The following ANXA13 variants were observed in gnomAD, a reference collection of about 807,000 sequenced individuals.
ANXA13 encodes annexin A13, also known as annexin XIII.
A neutral mutation model predicts 46.6 loss-of-function variants in ANXA13; 36 were observed. The ratio of observed to expected loss-of-function variants is 0.77; its 90% CI spans 0.59 to 1.02. The LOEUF (loss-of-function observed/expected upper bound fraction) is 1.02. Ranked by LOEUF, ANXA13 falls within the 50% of genes least tolerant of loss-of-function variation. The probability of loss-of-function intolerance (pLI) is 0.00; values close to 1 mark genes in which losing one functional copy is unlikely to be tolerated. For synonymous variants in ANXA13, 163 were observed against 152.9 expected (o/e 1.07, Z -0.49); for missense variants, 417 against 396.5 (o/e 1.05, Z -0.44).
chr8:123,696,173 G>A (rs10100396), intron 4 of ANXA13, among the ~76,000 whole-genome samples: 9,668 of 152,028 alleles, frequency 0.064, 320 homozygotes, highest in Non-Finnish European at 0.069. Context: ...CATGTGTTTA[G>A]CAGGTGGAAT....
intron 1 of ANXA13, among the ~76,000 whole-genome samples, chr8:123,726,766 C>A (rs1036792166): frequency 6.6e-6 from 1 of 152,186 alleles, no homozygotes; most frequent in Non-Finnish European, 1.5e-5. Context: ...ATATTAATAG[C>A]AGCACAATTT....
chr8:123,707,846 A>G (rs951274806), intron 2 of ANXA13, among the ~76,000 whole-genome samples: 1 of 152,116 alleles, frequency 6.6e-6, no homozygotes, highest in African/African-American at 2.4e-5. Flanking sequence ...AAGTATAATA[A>G]TAATAATAAA....
intron 2 of ANXA13, among the ~76,000 whole-genome samples, chr8:123,704,646 C>G (rs987529938): frequency 2.6e-5 from 4 of 152,178 alleles, no homozygotes; most frequent in Admixed American, 6.5e-5. Flanking sequence ...ATCCACCTGC[C>G]TCAGCCTCTT....
At chr8:123,688,539 T>A (rs1813179000) in intron 9 of ANXA13, among the ~76,000 whole-genome samples, 1 of 152,218 alleles carries the variant, frequency 6.6e-6, no homozygotes, top group Admixed American at 6.5e-5. Flanking sequence ...GCTGAGTCCC[T>A]CCCCAGGAAT....
intron 10 of ANXA13, among the ~76,000 whole-genome samples, chr8:123,683,508 C>T (rs7459561): frequency 0.8 from 116,427 of 145,014 alleles, 47,594 homozygotes; most frequent in African/African-American, 0.93. Flanking sequence ...CTCCTGCTGC[C>T]GATGAAATGC....
rs544229654 is a variant in ANXA13 at position 123,686,988 on chromosome 8, T to A, written c.718+1883A>T. ...TGTGTGGTCCTCAACCCCAGGGACT[T>A]GGCTTTTCTGTCATCTGTACCATCT... On this transcript the variant is annotated intron_variant, in intron 9 of 10. Coordinates refer to ENST00000419625, the MANE Select transcript of ANXA13 (RefSeq NM_004306.4). Among the ~76,000 whole-genome samples the A allele has an allele frequency of 5.3e-5, 8 of 152,324 alleles. No homozygotes were observed. In the South Asian group the frequency reaches 1.7e-3, roughly 32 times the overall value.
chr8:123,708,149 C>T (rs1375583303), intron 2 of ANXA13, among the ~76,000 whole-genome samples: 1 of 152,168 alleles, frequency 6.6e-6, no homozygotes, highest in Admixed American at 6.5e-5. Context: ...TGGTTTGAGG[C>T]ACCAGGGCCA....
At position 123,681,017 on chromosome 8, in the gene ANXA13, C is replaced by G. The variant is rs1305457195; in HGVS notation, c.*223G>C. 1.9e-6 allele frequency: 1 copy of G among 518,056 alleles called. No individual in the cohort carries two copies. The highest frequency in any genetic ancestry group is 3.4e-6 in the Non-Finnish European group (1 of 294,922). 32.1% of individuals were successfully genotyped at this position (518,056 alleles called of 1,614,324 possible). A position where few individuals can be genotyped will look rare whatever the true frequency, so the allele number is the denominator to read the frequency against. ...ATGCTAAAAGAAAGTGAAGAGGCAG[C>G]CTAGATGCTTGCTAAGCCAGAGTTC... On this transcript the variant is annotated 3_prime_UTR_variant, in exon 11 of 11. Transcript: ENST00000419625.
intron 1 of ANXA13, among the ~76,000 whole-genome samples, chr8:123,716,295 G>A (rs1002578112): frequency 2.0e-5 from 3 of 152,070 alleles, no homozygotes; most frequent in African/African-American, 7.2e-5. Flanking sequence ...CCGTTGCCCA[G>A]GCTGGTCTCA....
At position 123,688,930 on chromosome 8, in the gene ANXA13, A is replaced by G. The variant is rs762657529; in HGVS notation, c.659T>C (p.Ile220Thr). 2.5e-6 allele frequency: 4 copies of G among 1,613,782 alleles called. No individual in the cohort carries two copies. Among genetic ancestry groups the G allele is most frequent in the Non-Finnish European group, 3.4e-6 (4 of 1,179,810 alleles). Residue 220 changes from isoleucine (I) to threonine (T), a missense_variant, in exon 9 of 11, where the codon ATA becomes ACA. By Grantham distance (89) the Ile-to-Thr change is moderately conservative. Coordinates refer to ENST00000419625, the MANE Select transcript of ANXA13 (RefSeq NM_004306.4). ...QAYQILIGKD[I>T]EEAIEEETSG... is the part of the protein sequence containing the mutation. ...TGTTTCTTCTTCAATGGCTTCTTCT[A>G]TGTCTTTGCCAATGAGCTGCAGCGA...
chr8:123,722,665 A>C (rs1191198992), intron 1 of ANXA13, among the ~76,000 whole-genome samples: 2 of 152,226 alleles, frequency 1.3e-5, no homozygotes, highest in African/African-American at 4.8e-5. Context: ...TTCTGATGCT[A>C]ATAGAATCAT....
In ANXA13 at chr8:123,696,105, A is replaced by AT. The variant is rs1351918545; in HGVS notation, c.358-385dup. On this transcript the variant is annotated intron_variant, in intron 4 of 10. Transcript: ENST00000419625. ...CAGTGCGTATCAGAAAGATACACAG[A>AT]TTTTTTTTTTTGCGTTTGTATATAT... 4.3e-3 allele frequency among the ~76,000 whole-genome samples: 635 copies of AT among 148,076 alleles called. 4 individuals are homozygous for AT. The highest frequency in any genetic ancestry group is 0.013 in the African/African-American group (528 of 40,578).
intron 1 of ANXA13, among the ~76,000 whole-genome samples, chr8:123,719,296 C>A (rs1176281625): frequency 6.6e-6 from 1 of 152,176 alleles, no homozygotes; most frequent in African/African-American, 2.4e-5. Flanking sequence ...AAATTAGACT[C>A]TGAATTATTT....
intron 2 of ANXA13, among the ~76,000 whole-genome samples, chr8:123,705,505 G>A (rs1389151258): frequency 6.6e-6 from 1 of 152,178 alleles, no homozygotes; most frequent in Non-Finnish European, 1.5e-5. Flanking sequence ...TGCTTCCTCT[G>A]TTTTGGCACA....
In ANXA13 at chr8:123,690,446, A is replaced by G. The variant is rs1267397320; in HGVS notation, c.643-1500T>C. On this transcript the variant is annotated intron_variant, in intron 8 of 10. Transcript: ENST00000419625. The surrounding 1 kb of genome is among the most constrained non-coding windows in gnomAD (Gnocchi z 4.6). ...GGTTTTTTCCTTGCACAACTCCAGGAGGCGCTATTCACACACTGCAACAAG... is the reference window on the plus strand; with the variant it reads ...GGTTTTTTCCTTGCACAACTCCAGGGGGCGCTATTCACACACTGCAACAAG... Among the ~76,000 whole-genome samples, 1 of 152,100 alleles carries G rather than the reference A, an allele frequency of 6.6e-6. No homozygotes were observed. The highest frequency in any genetic ancestry group is 1.5e-5 in the Non-Finnish European group (1 of 68,026).
At chr8:123,688,725 C>G in intron 9 of ANXA13, 146 bp downstream of exon 9, 2 of 680,606 alleles carry the variant, frequency 2.9e-6, no homozygotes, top group Middle Eastern at 2.6e-4. Context: ...AACTACATCA[C>G]AGTCACTCTC....
At chr8:123,696,510 G>A (rs1813339396) in intron 4 of ANXA13, among the ~76,000 whole-genome samples, 1 of 152,082 alleles carries the variant, frequency 6.6e-6, no homozygotes, top group Non-Finnish European at 1.5e-5. Context: ...AGCTGCCTCA[G>A]TTTACACTTG....
intron 9 of ANXA13, among the ~76,000 whole-genome samples, chr8:123,688,268 A>G (rs1288459261): frequency 6.6e-6 from 1 of 152,132 alleles, no homozygotes; most frequent in Non-Finnish European, 1.5e-5. Flanking sequence ...TGATTTTATA[A>G]GGGGTTTCCT....
intron 2 of ANXA13, among the ~76,000 whole-genome samples, chr8:123,709,842 T>A (rs1813621758): frequency 6.6e-6 from 1 of 152,186 alleles, no homozygotes; most frequent in Non-Finnish European, 1.5e-5. Flanking sequence ...AACTGCAATC[T>A]CCACCTCCCA....
Sources: gnomAD v4.1 joint callset for allele counts (sites outside exome capture counted in the v4.1 genomes callset) on GRCh38, gnomAD v4.1.1 for gene constraint, Gnocchi (gnomAD v3.1) non-coding constraint, MANE v1.5 for transcripts, NCBI Gene and HGNC (gene_info 2026-07-23, HGNC 2026-07-21) for gene names.